Variants in COPS4 observed in about 807,000 individuals in gnomAD.
COPS4 encodes COP9 signalosome subunit 4.
A neutral mutation model predicts 55.1 loss-of-function variants in COPS4; 8 were observed. The ratio of observed to expected loss-of-function variants is 0.15; its 90% confidence interval spans 0.09 to 0.26. The LOEUF (loss-of-function observed/expected upper bound fraction) is 0.26, where lower values mean the gene tolerates loss of function less well. Among genes scored for constraint, COPS4 ranks in the 10% least tolerant of loss-of-function variants. The pLI, the probability that COPS4 is intolerant of heterozygous loss-of-function variation, is 1.00. For synonymous variants in COPS4, 185 were observed against 165.7 expected, an observed-to-expected ratio of 1.12 and a Z score of -0.90; for missense variants, 248 against 484.0, an observed-to-expected ratio of 0.51 and a Z score of 4.58.
chr4:83,036,425 G>T (rs544831951), intron 1 of COPS4, among the ~76,000 whole-genome samples: 2 of 152,230 alleles, frequency 1.3e-5, no homozygotes, highest in East Asian at 3.9e-4. Context: ...TTTTAAGTAG[G>T]CTAGGCTGCC....
chr4:83,063,668 A>G (rs1012717281), intron 7 of COPS4, among the ~76,000 whole-genome samples: 8 of 151,148 alleles, frequency 5.3e-5, no homozygotes, highest in African/African-American at 2.0e-4. Context: ...CGGCCTCCCA[A>G]AGTGCTAGGA....
chr4:83,066,567 T>C lies in COPS4; in HGVS notation c.1002+14T>C. 1 of 1,238,804 alleles carries C rather than the reference T, an allele frequency of 8.1e-7. No individual in the cohort carries two copies. The highest frequency in any genetic ancestry group is 1.4e-5 in the South Asian group (1 of 72,026). 76.7% of individuals were successfully genotyped at this position (1,238,804 alleles called of 1,614,324 possible). On this transcript the variant is annotated intron_variant, in intron 8 of 9. Coordinates refer to ENST00000264389, the MANE Select transcript of COPS4 (RefSeq NM_016129.3). ...CCTGCAGCTAAGGTATCTTCTTGAT[T>C]CCAATACATTTAAAAAAAAGTTAAG...
chr4:83,044,487 A>G (rs1730652242), intron 1 of COPS4, among the ~76,000 whole-genome samples: 1 of 145,798 alleles, frequency 6.9e-6, no homozygotes, highest in Non-Finnish European at 1.5e-5. Context: ...AGAGATAAAG[A>G]TTAGTATAGG....
chr4:83,038,186 A>G (rs1351188232), intron 1 of COPS4, among the ~76,000 whole-genome samples: 7 of 152,250 alleles, frequency 4.6e-5, no homozygotes, highest in Admixed American at 3.9e-4. Flanking sequence ...TGTTGTCCCA[A>G]ACACAACAGT....
At chr4:83,041,655 A>T (rs1347765897) in intron 1 of COPS4, among the ~76,000 whole-genome samples, 1 of 151,384 alleles carries the variant, frequency 6.6e-6, no homozygotes, top group Non-Finnish European at 1.5e-5. Context: ...TTTAGTAGAG[A>T]TGGGGTTTCT....
At chr4:83,059,754 TG>T (rs1262982094) in intron 6 of COPS4, among the ~76,000 whole-genome samples, 2 of 152,024 alleles carry the variant, frequency 1.3e-5, no homozygotes, top group Non-Finnish European at 2.9e-5. Flanking sequence ...TGGAGTGCAG[TG>T]GCGCGATCTC....
At chr4:83,047,523 C>T (rs1427677180) in intron 2 of COPS4, among the ~76,000 whole-genome samples, 2 of 152,058 alleles carry the variant, frequency 1.3e-5, no homozygotes, top group Admixed American at 1.3e-4. Flanking sequence ...CACTGCGCTC[C>T]AGCCTGGGCA....
chr4:83,057,388 G>C lies in COPS4; in HGVS notation c.695G>C (p.Cys232Ser). 1 of 1,592,474 alleles carries C rather than the reference G, an allele frequency of 6.3e-7. No individual in the cohort carries two copies. Among genetic ancestry groups the C allele is most frequent in the Non-Finnish European group, 8.5e-7 (1 of 1,171,788 alleles). Residue 232 changes from cysteine to serine, a missense_variant, in exon 6 of 10, where the codon TGT (cysteine) becomes TCT (serine). By Grantham distance (112) the Cys-to-Ser change is moderately radical. Around this residue, in one of 4 missense-constraint regions of COPS4, gnomAD observed 155 missense variants for 326.6 expected, o/e 0.47. Coordinates refer to ENST00000264389, the MANE Select transcript of COPS4 (RefSeq NM_016129.3). ...RLEALKHALHCTILASAGQQR... is the reference protein window; with the variant it reads ...RLEALKHALHSTILASAGQQR... Reference sequence around the variant, plus strand: ...GAGGCCTTAAAACATGCTTTGCACTGTACGATCTTAGCATCAGCAGGTAAA... The same window carrying C: ...GAGGCCTTAAAACATGCTTTGCACTCTACGATCTTAGCATCAGCAGGTAAA...
chr4:83,070,792 T>G (rs1018001862), intron 9 of COPS4, among the ~76,000 whole-genome samples: 1 of 152,200 alleles, frequency 6.6e-6, no homozygotes, highest in African/African-American at 2.4e-5. Context: ...AAAAAAGAAA[T>G]AAACAAATAG....
chr4:83,039,505 G>A (rs1218518190), intron 1 of COPS4, among the ~76,000 whole-genome samples: 3 of 152,160 alleles, frequency 2.0e-5, no homozygotes, highest in African/African-American at 7.2e-5. Context: ...CATGGGTACT[G>A]GGAGTGAAAT....
intron 9 of COPS4, among the ~76,000 whole-genome samples, chr4:83,071,971 A>G (rs1731442137): frequency 2.0e-5 from 3 of 152,142 alleles, no homozygotes; most frequent in Admixed American, 1.3e-4. Flanking sequence ...CGGCCTCCCA[A>G]AGTGCTGGGA....
chr4:83,059,597 A>G (rs1731105596), intron 6 of COPS4, among the ~76,000 whole-genome samples: 1 of 152,224 alleles, frequency 6.6e-6, no homozygotes. Flanking sequence ...ATTTTTCCAA[A>G]GCAAAAAATG....
chr4:83,068,419 T>G lies in COPS4; in HGVS notation c.1003-19T>G, dbSNP rs776893129. ...AAAGATATGATAAAGTTTCTGAGAG[T>G]TTTTTTTTCCCCCAATAGGCGGAAA... On this transcript the variant is annotated intron_variant, in intron 8 of 9. Coordinates refer to ENST00000264389, the MANE Select transcript of COPS4 (RefSeq NM_016129.3). 77 of 1,467,488 alleles carry G rather than the reference T, an allele frequency of 5.2e-5. No homozygotes were observed. The highest frequency in any genetic ancestry group is 1.5e-4 in the Admixed American group (8 of 51,784). The allele number at this position is 1,467,488 out of a possible 1,614,324, so 90.9% of individuals were successfully genotyped here.
Position 83,049,157 on chromosome 4 carries a change from TTA to T in COPS4, c.155-8_155-7del. 1 of 1,581,674 alleles carries T rather than the reference TTA, an allele frequency of 6.3e-7. No homozygotes were observed. The highest frequency in any genetic ancestry group is 8.5e-7 in the Non-Finnish European group (1 of 1,171,840). ...ATGTTTTCTTATCTTTTTTTTTTTT[TTA>T]AACAAGTGGTAAATGAGAATGTCAG... On this transcript the variant is annotated splice_polypyrimidine_tract_variant and splice_region_variant and intron_variant, in intron 2 of 9. Coordinates refer to ENST00000264389, the MANE Select transcript of COPS4 (RefSeq NM_016129.3).
At chr4:83,045,430 A>C (rs1391540351) in intron 1 of COPS4, among the ~76,000 whole-genome samples, 196 bp from the exon 2 acceptor site, 1 of 152,176 alleles carries the variant, frequency 6.6e-6, no homozygotes, top group East Asian at 1.9e-4. Flanking sequence ...GTGGTACCTT[A>C]TATAATTATA....
At chr4:83,053,236 T>C (rs2126130444) in intron 4 of COPS4, among the ~76,000 whole-genome samples, 1 of 152,324 alleles carries the variant, frequency 6.6e-6, no homozygotes, top group East Asian at 1.9e-4. Context: ...TTGGTGCTTT[T>C]TCCCATCACA....
chr4:83,060,434 C>T (rs1479542410), intron 6 of COPS4, among the ~76,000 whole-genome samples: 1 of 151,136 alleles, frequency 6.6e-6, no homozygotes, highest in Non-Finnish European at 1.5e-5. Flanking sequence ...CTGCAAGCTC[C>T]GCCTCCCAGG....
At chr4:83,070,857 G>T (rs1731409656) in intron 9 of COPS4, among the ~76,000 whole-genome samples, 1 of 152,158 alleles carries the variant, frequency 6.6e-6, no homozygotes, top group African/African-American at 2.4e-5. Context: ...CCCATTGCTT[G>T]TAGAACAAAG....
In COPS4 at chr4:83,035,204, C is replaced by T. The variant is rs754660978; in HGVS notation, c.-21C>T. On this transcript the variant is annotated 5_prime_UTR_variant, in exon 1 of 10. Transcript: ENST00000264389. ...TTTGGCTGCCAGAGGCCCCCGCATC[C>T]ACCGCTGAGCTGGGAGAAAGATGGC... The T allele has an allele frequency of 2.6e-6, 4 of 1,548,898 alleles. No homozygotes were observed. The highest frequency in any genetic ancestry group is 2.4e-5 in the East Asian group (1 of 40,974).
Sources: gnomAD v4.1 joint callset for allele counts (sites outside exome capture counted in the v4.1 genomes callset) on GRCh38, gnomAD v4.1.1 for gene constraint, gnomAD v4.1.1 regional missense constraint, MANE v1.5 for transcripts, NCBI Gene and HGNC (gene_info 2026-07-23, HGNC 2026-07-21) for gene names.